SEMA4B: variants seen among roughly 807,000 people sequenced by gnomAD.
The protein encoded by SEMA4B is semaphorin-4B.
Under a neutral mutation model 88.1 loss-of-function variants are expected in SEMA4B, and 55 were observed. The ratio of observed to expected loss-of-function variants is 0.62; its 90% confidence interval spans 0.50 to 0.78. SEMA4B has a LOEUF of 0.78. Ranked by LOEUF, SEMA4B falls within the 30% of genes least tolerant of loss-of-function variation. The pLI is 0.00. For synonymous variants in SEMA4B, 525 were observed against 473.6 expected, an observed-to-expected ratio of 1.11 and a Z score of -1.41; for missense variants, 1,062 against 1,111.9, an observed-to-expected ratio of 0.96 and a Z score of 0.64.
intron 1 of SEMA4B, among the ~76,000 whole-genome samples, chr15:90,185,796 C>A (rs73475878): frequency 0.066 from 10,083 of 152,108 alleles, 1,068 homozygotes; most frequent in African/African-American, 0.23. Flanking sequence ...TAGAAATCAC[C>A]TTGGCCCATC....
intron 11 of SEMA4B, 34 bp from the exon 12 acceptor site, chr15:90,225,627 T>C: frequency 1.2e-5 from 19 of 1,549,040 alleles, no homozygotes; most frequent in Non-Finnish European, 1.6e-5. Context: ...TGGCTGCCCA[T>C]GCCCGCTTCT....
chr15:90,227,904 G>A lies in SEMA4B; in HGVS notation c.1775G>A (p.Gly592Glu). 1.2e-6 allele frequency: 2 copies of A among 1,610,988 alleles called. No homozygotes were observed. The highest frequency in any genetic ancestry group is 2.2e-5 in the East Asian group (1 of 44,880). Residue 592 changes from glycine (G) to glutamate (E), a missense_variant and splice_region_variant, in exon 14 of 14, where the codon GGG (glycine) becomes GAG (glutamate). Gly to Glu is a moderately conservative substitution (Grantham distance 98). Transcript: ENST00000411539. ...SVVSPSFVPTGEKPCEQVQFQ... is the reference protein window; with the variant it reads ...SVVSPSFVPTEEKPCEQVQFQ... ...TACCCCATGCCTTTTCTGCCTACAGGGGAGAAGCCATGTGAGCAAGTCCAG... is the reference window on the plus strand; with the variant it reads ...TACCCCATGCCTTTTCTGCCTACAGAGGAGAAGCCATGTGAGCAAGTCCAG...
At chr15:90,187,276 C>T (rs116237714) in intron 1 of SEMA4B, among the ~76,000 whole-genome samples, 7 of 152,216 alleles carry the variant, frequency 4.6e-5, no homozygotes, top group African/African-American at 7.2e-5. Flanking sequence ...TGCCTCTATC[C>T]GTGTGGTGCT....
intron 9 of SEMA4B, 65 bp from the exon 10 acceptor site, chr15:90,224,903 A>G (rs1382984971): frequency 1.5e-6 from 2 of 1,361,420 alleles, no homozygotes; most frequent in Non-Finnish European, 2.1e-6. Flanking sequence ...CTGGGGAAGC[A>G]GGGCCCGCAT....
At chr15:90,227,410 T>C (rs1168121534) in intron 12 of SEMA4B, 147 bp from the exon 13 acceptor site, 1 of 632,844 alleles carries the variant, frequency 1.6e-6, no homozygotes, top group East Asian at 2.7e-5. Flanking sequence ...CTTGAAATAA[T>C]GTGTAGACAG....
In SEMA4B at chr15:90,201,620, C is replaced by T. The variant is rs780039699; in HGVS notation, c.42C>T (p.Ala14=). 1 of 1,518,616 alleles carries T rather than the reference C, an allele frequency of 6.6e-7. No individual in the cohort carries two copies. Among genetic ancestry groups the T allele is most frequent in the Non-Finnish European group, 8.8e-7 (1 of 1,141,076 alleles). The allele number at this position is 1,518,616 out of a possible 1,614,324, so 94.1% of individuals were successfully genotyped here. A position where few individuals can be genotyped will look rare whatever the true frequency, so the allele number is the denominator to read the frequency against. The change falls in exon 1 of 14, where the codon GCC becomes GCT. Residue 14 remains alanine, a synonymous_variant. Coordinates refer to ENST00000411539, the MANE Select transcript of SEMA4B (RefSeq NM_198925.4). ...TGGGCCTGAGGAGCTGGCTCGCCGC[C>T]CCATGGGGCGCGCTGCCGCCTCGGC... The part of the protein sequence containing the change: ...TAMGLRSWLA[A]PWGALPPRPP...
Position 90,201,599 on chromosome 15 carries a change from C to A in SEMA4B, c.21C>A (p.Gly7=). MLRTAM[G]LRSWLAAPWG... ...TCCGAATGCTGCGCACCGCGATGGGCCTGAGGAGCTGGCTCGCCGCCCCAT... is the reference window on the plus strand; with the variant it reads ...TCCGAATGCTGCGCACCGCGATGGGACTGAGGAGCTGGCTCGCCGCCCCAT... The change falls in exon 1 of 14, where the codon GGC becomes GGA. Residue 7 remains glycine, a synonymous_variant. Transcript: ENST00000411539. The A allele has an allele frequency of 6.6e-7, 1 of 1,517,190 alleles. No homozygotes were observed. Among genetic ancestry groups the A allele is most frequent in the Admixed American group, 2.0e-5 (1 of 50,362 alleles). 94.0% of individuals were successfully genotyped at this position (1,517,190 alleles called of 1,614,324 possible). A position where few individuals can be genotyped will look rare whatever the true frequency, so the allele number is the denominator to read the frequency against.
At chr15:90,201,791 T>C in intron 1 of SEMA4B, 56 bp downstream of exon 1, 1 of 1,368,152 alleles carries the variant, frequency 7.3e-7, no homozygotes, top group Non-Finnish European at 9.4e-7. Flanking sequence ...GCCGGGGACG[T>C]GCCTCGTGCG....
chr15:90,212,931 G>A lies in SEMA4B; in HGVS notation c.158-4508G>A, dbSNP rs546361466. 3.9e-5 allele frequency among the ~76,000 whole-genome samples: 6 copies of A among 152,300 alleles called. No homozygotes were observed. The South Asian group carries it at 1.0e-3, about 26-fold the overall frequency. ...TGAACCCCCTGGATGAGGGAGGCCCGACTCCCGCAAGGAGCCCTGCCCTTC... is the reference window on the plus strand; with the variant it reads ...TGAACCCCCTGGATGAGGGAGGCCCAACTCCCGCAAGGAGCCCTGCCCTTC... On this transcript the variant is annotated intron_variant, in intron 1 of 13. Transcript: ENST00000411539. This position sits in a 1 kb window ranked among gnomAD's most constrained non-coding sequence, Gnocchi z 4.0.
At chr15:90,225,478 T>C in intron 11 of SEMA4B, 81 bp downstream of exon 11, 1 of 1,378,648 alleles carries the variant, frequency 7.3e-7, no homozygotes, top group Non-Finnish European at 1.0e-6. Context: ...ACCCAGCTTC[T>C]CCTCCCTTGC....
intron 1 of SEMA4B, among the ~76,000 whole-genome samples, chr15:90,194,064 C>T (rs1234490735): frequency 1.3e-5 from 2 of 151,948 alleles, no homozygotes; most frequent in African/African-American, 4.8e-5. Flanking sequence ...GTTGGCCAGG[C>T]TGGTTTCGAA....
chr15:90,217,662 C>T (rs577629423), intron 2 of SEMA4B, 60 bp downstream of exon 2: 164 of 1,605,078 alleles, frequency 1.0e-4, no homozygotes, highest in Admixed American at 4.7e-4. Flanking sequence ...GGAAGATGGA[C>T]GGGAAGCTTG....
chr15:90,207,410 G>T (rs1961048130), intron 1 of SEMA4B, among the ~76,000 whole-genome samples: 1 of 152,140 alleles, frequency 6.6e-6, no homozygotes, highest in Admixed American at 6.5e-5. Context: ...GCATCTTTTG[G>T]CCCATCCTCT....
At chr15:90,185,359 C>G (rs1041078875) in intron 1 of SEMA4B, among the ~76,000 whole-genome samples, 5 of 152,364 alleles carry the variant, frequency 3.3e-5, no homozygotes, top group African/African-American at 1.2e-4. Context: ...ACCCCTACTC[C>G]TAAACCCGGG....
chr15:90,219,924 C>T, intron 4 of SEMA4B, 33 bp downstream of exon 4: 31 of 1,499,374 alleles, frequency 2.1e-5, no homozygotes, highest in Non-Finnish European at 2.9e-5. Context: ...TGAGGCTGAC[C>T]TGGGAACTGC....
chr15:90,225,941 T>C, intron 12 of SEMA4B, 114 bp downstream of exon 12: 2 of 775,220 alleles, frequency 2.6e-6, no homozygotes, highest in Non-Finnish European at 1.9e-6. Flanking sequence ...GTCCACTGTC[T>C]CAGCATAATT....
intron 1 of SEMA4B, among the ~76,000 whole-genome samples, chr15:90,203,768 G>A (rs1024187945): frequency 1.3e-5 from 2 of 152,280 alleles, no homozygotes; most frequent in Admixed American, 1.3e-4. Flanking sequence ...TCCACACTCA[G>A]CTCTCCAACC....
In SEMA4B at chr15:90,214,010, C is replaced by T. The variant is rs575820247; in HGVS notation, c.158-3429C>T. 3.7e-4 allele frequency among the ~76,000 whole-genome samples: 57 copies of T among 152,326 alleles called. 1 individual carries two copies. Among genetic ancestry groups the T allele is most frequent in the Non-Finnish European group, 6.8e-4 (46 of 68,038 alleles). ...TCATCCTGTTAACTAGTGTCACCCCCACCCGAGGGCTTCCTTCCCCATTTG... is the reference window on the plus strand; with the variant it reads ...TCATCCTGTTAACTAGTGTCACCCCTACCCGAGGGCTTCCTTCCCCATTTG... On this transcript the variant is annotated intron_variant, in intron 1 of 13. Coordinates refer to ENST00000411539, the MANE Select transcript of SEMA4B (RefSeq NM_198925.4).
intron 1 of SEMA4B, among the ~76,000 whole-genome samples, chr15:90,209,410 C>T (rs2151603545): frequency 6.6e-6 from 1 of 151,696 alleles, no homozygotes; most frequent in South Asian, 2.1e-4. Context: ...TATATATATA[C>T]AAAAATTAGC....
Sources: gnomAD v4.1 joint callset for allele counts (sites outside exome capture counted in the v4.1 genomes callset) on GRCh38, gnomAD v4.1.1 for gene constraint, Gnocchi (gnomAD v3.1) non-coding constraint, MANE v1.5 for transcripts, NCBI Gene and HGNC (gene_info 2026-07-23, HGNC 2026-07-21) for gene names.